Variants in CHRM5 observed in about 807,000 individuals in gnomAD.
CHRM5 encodes muscarinic acetylcholine receptor M5.
CHRM5 carries 18 observed loss-of-function variants against 39.0 expected under a neutral mutation model. That is an observed-to-expected ratio of 0.46 (90% CI 0.32 to 0.68). The LOEUF is 0.68. Among genes scored for constraint, CHRM5 ranks in the 30% least tolerant of loss-of-function variants. CHRM5 has a pLI of 0.04. For missense variants in CHRM5, 515 were observed against 651.1 expected, an observed-to-expected ratio of 0.79 and a Z score of 2.28; for synonymous variants, 241 against 246.3, an observed-to-expected ratio of 0.98 and a Z score of 0.20.
chr15:34,015,221 C>T lies in CHRM5; in HGVS notation c.-407-31319C>T, dbSNP rs1435899094. ...AAAATAGGCCGGGCGCAGTGGCTCA[C>T]GCCTGTAATCCCAGCACTTTCGGAG... On this transcript the variant is annotated intron_variant, in intron 1 of 2. Coordinates refer to ENST00000383263, the MANE Select transcript of CHRM5 (RefSeq NM_012125.4). Among the ~76,000 whole-genome samples, 4 of 152,130 alleles carry T rather than the reference C, an allele frequency of 2.6e-5. No individual in the cohort carries two copies. The South Asian group carries it at 6.2e-4, about 24-fold the overall frequency.
intron 2 of CHRM5, among the ~76,000 whole-genome samples, chr15:34,054,447 G>C (rs1900053370): frequency 6.6e-6 from 1 of 152,044 alleles, no homozygotes; most frequent in Admixed American, 6.5e-5. Flanking sequence ...ATCAACAATA[G>C]ACTGGATAAA....
chr15:34,060,798 G>A (rs1338622516), intron 2 of CHRM5, among the ~76,000 whole-genome samples: 1 of 151,928 alleles, frequency 6.6e-6, no homozygotes, highest in African/African-American at 2.4e-5. Flanking sequence ...TGAACCCAAG[G>A]GGCAGAGGTT....
At chr15:33,989,573 A>G (rs1567452249) in intron 1 of CHRM5, among the ~76,000 whole-genome samples, 1 of 152,158 alleles carries the variant, frequency 6.6e-6, no homozygotes, top group Non-Finnish European at 1.5e-5. Flanking sequence ...ACTACTGAAA[A>G]GATGCCTTTC....
At chr15:34,028,271 G>A (rs1407420271) in intron 1 of CHRM5, among the ~76,000 whole-genome samples, 1 of 152,218 alleles carries the variant, frequency 6.6e-6, no homozygotes, top group Non-Finnish European at 1.5e-5. Context: ...CCTACACACT[G>A]TAACAAGAGA....
rs929110733 is a variant in CHRM5, at chr15:34,065,221, C to A, written c.*905C>A. Reference sequence around the variant, plus strand: ...TTAGGAAGACTAATTGTGTAAGAGCCCTTCACTGGCTGAAGATTTTCTCCA... The same window carrying A: ...TTAGGAAGACTAATTGTGTAAGAGCACTTCACTGGCTGAAGATTTTCTCCA... On this transcript the variant is annotated 3_prime_UTR_variant, in exon 3 of 3. Transcript: ENST00000383263. The A allele has an allele frequency of 2.0e-5, 3 of 152,402 alleles. No individual in the cohort carries two copies. The highest frequency in any genetic ancestry group is 7.2e-5 in the African/African-American group (3 of 41,432). The allele number at this position is 152,402 out of a possible 1,614,324, so 9.4% of individuals were successfully genotyped here.
At chr15:34,039,777 A>G (rs1219973872) in intron 1 of CHRM5, among the ~76,000 whole-genome samples, 4 of 152,204 alleles carry the variant, frequency 2.6e-5, no homozygotes, top group Non-Finnish European at 4.4e-5. Context: ...TAACAGCTCT[A>G]TGAGGTAGGG....
intron 1 of CHRM5, among the ~76,000 whole-genome samples, chr15:33,973,596 C>A (rs749655985): frequency 6.6e-6 from 1 of 152,140 alleles, no homozygotes; most frequent in Non-Finnish European, 1.5e-5. Flanking sequence ...AATCCCAGCA[C>A]TCTGGGAGGC....
At chr15:34,043,524 T>C (rs934749231) in intron 1 of CHRM5, among the ~76,000 whole-genome samples, 1 of 152,208 alleles carries the variant, frequency 6.6e-6, no homozygotes, top group Admixed American at 6.5e-5. Context: ...CTCCATCTAC[T>C]ACTGAGGGTG....
intron 2 of CHRM5, among the ~76,000 whole-genome samples, chr15:34,057,269 TGAGAATATAGGCACATGCCACCAC>T: frequency 6.6e-6 from 1 of 151,578 alleles, no homozygotes; most frequent in Non-Finnish European, 1.5e-5. Context: ...CCTGAGTAGC[TGAGAATATAGGCACATGCCACCAC>T]GCCCAGCTAA....
intron 1 of CHRM5, among the ~76,000 whole-genome samples, chr15:34,040,690 G>T (rs548248333): frequency 2.8e-4 from 43 of 152,082 alleles, no homozygotes; most frequent in African/African-American, 1.0e-3. Context: ...CATTTTGGGA[G>T]GCTGTGGCGG....
chr15:34,039,136 C>G (rs976858100), intron 1 of CHRM5: 6 of 1,028,616 alleles, frequency 5.8e-6, no homozygotes, highest in Non-Finnish European at 7.0e-6. Flanking sequence ...ACGGAGGAGC[C>G]GCGAGCGAAA....
chr15:34,005,619 G>C (rs1897307912), intron 1 of CHRM5, among the ~76,000 whole-genome samples: 1 of 152,144 alleles, frequency 6.6e-6, no homozygotes. Context: ...TTTGGATAAT[G>C]AAGTCTGATC....
chr15:33,973,560 C>T (rs1015803668), intron 1 of CHRM5, among the ~76,000 whole-genome samples: 1 of 152,064 alleles, frequency 6.6e-6, no homozygotes, highest in Admixed American at 6.6e-5. Context: ...CCATTGAAAA[C>T]CTATTTATGG....
rs117661152 is a variant in CHRM5, at chr15:34,049,453, G to A, written c.-76+2582G>A. On this transcript the variant is annotated intron_variant, in intron 2 of 2. Coordinates refer to ENST00000383263, the MANE Select transcript of CHRM5 (RefSeq NM_012125.4). ...GAATAGACCAGTGGAAAAAAGAATC[G>A]CAGAGTTTGAAGACTATTTTTCTGA... 2.2e-3 allele frequency among the ~76,000 whole-genome samples: 330 copies of A among 152,196 alleles called. 9 individuals are homozygous for A. The East Asian group carries it at 0.05, about 23-fold the overall frequency.
At chr15:34,034,978 G>C (rs1899050078) in intron 1 of CHRM5, among the ~76,000 whole-genome samples, 1 of 152,178 alleles carries the variant, frequency 6.6e-6, no homozygotes, top group Non-Finnish European at 1.5e-5. Context: ...GCGGCTGGTG[G>C]CTACTCTGAG....
At chr15:34,017,377 T>C (rs556255538) in intron 1 of CHRM5, among the ~76,000 whole-genome samples, 1 of 151,972 alleles carries the variant, frequency 6.6e-6, no homozygotes, top group South Asian at 2.1e-4. Context: ...AGAGAAAATA[T>C]CAATCACCTA....
intron 1 of CHRM5, among the ~76,000 whole-genome samples, chr15:34,024,139 CCAGGCATTAGTCAGT>C (rs72122253): frequency 0.27 from 41,146 of 152,064 alleles, 7,253 homozygotes; most frequent in African/African-American, 0.48. Flanking sequence ...TGATACTATG[CCAGGCATTAGTCAGT>C]GTGCTTGGAT....
chr15:34,019,738 A>T (rs1378186773), intron 1 of CHRM5, among the ~76,000 whole-genome samples: 1 of 152,256 alleles, frequency 6.6e-6, no homozygotes, highest in African/African-American at 2.4e-5. Context: ...TTTGTAGCCC[A>T]GGAGCAATAT....
intron 1 of CHRM5, among the ~76,000 whole-genome samples, chr15:33,998,502 C>T (rs1291867098): frequency 1.3e-5 from 2 of 152,076 alleles, no homozygotes; most frequent in Non-Finnish European, 2.9e-5. Flanking sequence ...AGTCTTGACT[C>T]ACTTCTCCCA....
Sources: gnomAD v4.1 joint callset for allele counts (sites outside exome capture counted in the v4.1 genomes callset) on GRCh38, gnomAD v4.1.1 for gene constraint, MANE v1.5 for transcripts, NCBI Gene and HGNC (gene_info 2026-07-23, HGNC 2026-07-21) for gene names.